The following PRDM16 variants were observed in gnomAD, a reference collection of about 807,000 sequenced individuals.
PRDM16 encodes histone-lysine N-methyltransferase PRDM16.
PRDM16 carries 23 observed loss-of-function variants against 110.6 expected under a neutral mutation model. That is an observed-to-expected ratio of 0.21 (90% confidence interval 0.15 to 0.29). The LOEUF is 0.29. PRDM16 is among the 10% of genes least tolerant of loss of function. The pLI is 1.00. For missense variants in PRDM16, 1,615 were observed against 1,794.3 expected, an observed-to-expected ratio of 0.90 and a Z score of 1.81; for synonymous variants, 799 against 781.8, an observed-to-expected ratio of 1.02 and a Z score of -0.37.
At chr1:3,393,840 G>A (rs564688290) in intron 4 of PRDM16, among the ~76,000 whole-genome samples, 57 of 152,298 alleles carry the variant, frequency 3.7e-4, no homozygotes, top group Non-Finnish European at 6.8e-4. Context: ...GAGGCAGGTC[G>A]GGGACCCCCG....
intron 4 of PRDM16, among the ~76,000 whole-genome samples, chr1:3,387,737 T>G (rs977915650): frequency 1.3e-5 from 2 of 152,224 alleles, no homozygotes; most frequent in African/African-American, 4.8e-5. Context: ...CAGCTTCTTC[T>G]CCTGAAATCT....
At chr1:3,199,527 G>A (rs1638565684) in intron 2 of PRDM16, among the ~76,000 whole-genome samples, 1 of 152,174 alleles carries the variant, frequency 6.6e-6, no homozygotes, top group Non-Finnish European at 1.5e-5. Flanking sequence ...AAGAAGGGAG[G>A]AGAGGCTGCT....
At chr1:3,366,967 C>G (rs989053735) in intron 3 of PRDM16, among the ~76,000 whole-genome samples, 1 of 152,058 alleles carries the variant, frequency 6.6e-6, no homozygotes, top group African/African-American at 2.4e-5. Flanking sequence ...TGCTGACGAC[C>G]GGTTAAAGAT....
chr1:3,435,359 A>G lies in PRDM16; in HGVS notation c.*1548A>G. 1 of 230,356 alleles carries G rather than the reference A, an allele frequency of 4.3e-6. No individual in the cohort carries two copies. Among genetic ancestry groups the G allele is most frequent in the African/African-American group, 2.2e-5 (1 of 45,274 alleles). The allele number at this position is 230,356 out of a possible 1,614,324, so 14.3% of individuals were successfully genotyped here. A position where few individuals can be genotyped will look rare whatever the true frequency, so the allele number is the denominator to read the frequency against. On this transcript the variant is annotated 3_prime_UTR_variant, in exon 17 of 17. Coordinates refer to ENST00000270722, the MANE Select transcript of PRDM16 (RefSeq NM_022114.4). ...TGGTGAAGGACCAAAACCGTGTGAT[A>G]AGGTTGTGTGTCGTGTGGGAGTGGG...
At chr1:3,392,505 T>A (rs976339998) in intron 4 of PRDM16, among the ~76,000 whole-genome samples, 3 of 152,218 alleles carry the variant, frequency 2.0e-5, no homozygotes, top group African/African-American at 7.2e-5. Flanking sequence ...CCTGGTGGAA[T>A]TTGCATGGAG....
chr1:3,146,612 G>C (rs1463223606), intron 1 of PRDM16, among the ~76,000 whole-genome samples: 1 of 146,508 alleles, frequency 6.8e-6, no homozygotes, highest in African/African-American at 2.6e-5. Context: ...TGCTCAGTGT[G>C]GGGGGTGTGT....
intron 1 of PRDM16, among the ~76,000 whole-genome samples, chr1:3,114,692 GCA>G (rs917478590): frequency 2.1e-4 from 32 of 152,328 alleles, no homozygotes; most frequent in South Asian, 6.2e-4. Flanking sequence ...GCACCCGGGT[GCA>G]CACACACACA....
At chr1:3,256,353 A>C (rs951198300) in intron 3 of PRDM16, among the ~76,000 whole-genome samples, 7 of 152,162 alleles carry the variant, frequency 4.6e-5, no homozygotes, top group Non-Finnish European at 1.0e-4. Context: ...TCCACGCCCC[A>C]TTCTACATTC....
chr1:3,147,522 T>C (rs570834611), intron 1 of PRDM16, among the ~76,000 whole-genome samples: 2 of 152,220 alleles, frequency 1.3e-5, no homozygotes, highest in South Asian at 2.1e-4. Context: ...TGCTGTCTTC[T>C]CTTTGAGAAA....
intron 16 of PRDM16, among the ~76,000 whole-genome samples, chr1:3,433,307 A>G (rs1371321042): frequency 2.0e-5 from 3 of 152,232 alleles, no homozygotes; most frequent in Admixed American, 1.3e-4. Flanking sequence ...CTGCGGGGAG[A>G]ATCCGGGTCT....
chr1:3,091,796 G>A (rs1485260216), intron 1 of PRDM16, among the ~76,000 whole-genome samples: 1 of 152,232 alleles, frequency 6.6e-6, no homozygotes, highest in East Asian at 1.9e-4. Context: ...GTGTACTCAG[G>A]CTGATGGAGG....
chr1:3,272,525 G>A lies in PRDM16; in HGVS notation c.438+28388G>A, dbSNP rs536959278. On this transcript the variant is annotated intron_variant, in intron 3 of 16. Transcript: ENST00000270722. ...TCGGGGAGGCTCGCACTGGGGGCTC[G>A]GGAAACACCCGCCTCCTGGGGCTCC... is the stretch of plus-strand genomic sequence containing the variant. Among the ~76,000 whole-genome samples the A allele has an allele frequency of 7.2e-5, 11 of 152,254 alleles. No homozygotes were observed. The East Asian group carries it at 7.7e-4, about 11-fold the overall frequency.
intron 1 of PRDM16, among the ~76,000 whole-genome samples, chr1:3,169,797 C>T (rs1644004463): frequency 1.3e-5 from 2 of 152,200 alleles, no homozygotes; most frequent in South Asian, 2.1e-4. Flanking sequence ...TGGTTCCCCC[C>T]GAGCCTCGGG....
chr1:3,210,397 C>A (rs569532766), intron 2 of PRDM16, among the ~76,000 whole-genome samples: 1 of 152,372 alleles, frequency 6.6e-6, no homozygotes, highest in African/African-American at 2.4e-5. Flanking sequence ...CAGGAAGGAG[C>A]CGCACAGGCT....
intron 3 of PRDM16, among the ~76,000 whole-genome samples, chr1:3,321,666 G>A (rs1641752465): frequency 6.7e-6 from 1 of 149,796 alleles, no homozygotes; most frequent in African/African-American, 2.5e-5. Context: ...CCAATGTGTG[G>A]GTGCACGTGT....
intron 3 of PRDM16, among the ~76,000 whole-genome samples, chr1:3,336,519 T>C (rs1005524606): frequency 6.6e-6 from 1 of 151,378 alleles, no homozygotes; most frequent in African/African-American, 2.4e-5. Context: ...TTCATGCACT[T>C]GTATGTTGGT....
At chr1:3,426,303 C>T in intron 14 of PRDM16, 78 bp downstream of exon 14, 6 of 1,229,312 alleles carry the variant, frequency 4.9e-6, no homozygotes, top group Non-Finnish European at 7.0e-6. Context: ...AGGACATGCA[C>T]CTCCACCCCA....
chr1:3,247,594 G>A (rs567887559), intron 3 of PRDM16, among the ~76,000 whole-genome samples: 1 of 152,210 alleles, frequency 6.6e-6, no homozygotes, highest in Non-Finnish European at 1.5e-5. Context: ...CTTCAGCTTC[G>A]CCCTGGACTC....
intron 3 of PRDM16, among the ~76,000 whole-genome samples, chr1:3,344,657 C>G (rs1557622949): frequency 6.6e-6 from 1 of 152,142 alleles, no homozygotes; most frequent in African/African-American, 2.4e-5. Flanking sequence ...CTGTTGTATT[C>G]CTCTGAAAAG....
Sources: gnomAD v4.1 joint callset for allele counts (sites outside exome capture counted in the v4.1 genomes callset) on GRCh38, gnomAD v4.1.1 for gene constraint, MANE v1.5 for transcripts, NCBI Gene and HGNC (gene_info 2026-07-23, HGNC 2026-07-21) for gene names.